The following PLCE1 variants were observed in gnomAD, a reference collection of about 807,000 sequenced individuals.
PLCE1 encodes 1-phosphatidylinositol 4,5-bisphosphate phosphodiesterase epsilon-1.
PLCE1 carries 119 observed loss-of-function variants against 242.8 expected under a neutral mutation model. The observed-to-expected ratio is 0.49, with a 90% confidence interval of 0.42 to 0.57. PLCE1 has a LOEUF of 0.57. Among genes scored for constraint, PLCE1 ranks in the 20% least tolerant of loss-of-function variants. PLCE1 has a pLI of 0.00. For missense variants in PLCE1, 2,441 were observed against 2,788.8 expected, an observed-to-expected ratio of 0.88 and a Z score of 2.81; for synonymous variants, 945 against 1,017.4, an observed-to-expected ratio of 0.93 and a Z score of 1.35.
At chr10:94,311,032 T>C (rs950444009) in intron 27 of PLCE1, among the ~76,000 whole-genome samples, 2 of 152,252 alleles carry the variant, frequency 1.3e-5, no homozygotes, top group East Asian at 1.9e-4. Context: ...TTATCACCAG[T>C]TGATCAGAAC....
chr10:94,135,965 G>A (rs974723657), intron 3 of PLCE1, among the ~76,000 whole-genome samples: 9 of 152,140 alleles, frequency 5.9e-5, no homozygotes, highest in Non-Finnish European at 1.2e-4. Context: ...GTTTTTTAAC[G>A]AGATGTTTAT....
At chr10:94,140,005 A>T (rs1261090828) in intron 3 of PLCE1, among the ~76,000 whole-genome samples, 1 of 151,858 alleles carries the variant, frequency 6.6e-6, no homozygotes, top group Non-Finnish European at 1.5e-5. Context: ...CCTTTTTTGG[A>T]TACTATTTTC....
intron 4 of PLCE1, among the ~76,000 whole-genome samples, chr10:94,210,175 G>T (rs1201088426): frequency 6.6e-6 from 1 of 150,832 alleles, no homozygotes; most frequent in Non-Finnish European, 1.5e-5. Flanking sequence ...TTTAATATTT[G>T]AATGGTGTTT....
At chr10:94,280,219 C>T (rs2052151093) in intron 20 of PLCE1, 5 of 407,042 alleles carry the variant, frequency 1.2e-5, no homozygotes, top group Non-Finnish European at 2.3e-5. Flanking sequence ...TCTAGCGTGG[C>T]TGATAATCTT....
At chr10:94,153,334 A>G (rs184909365) in intron 3 of PLCE1, among the ~76,000 whole-genome samples, 1 of 152,322 alleles carries the variant, frequency 6.6e-6, no homozygotes, top group East Asian at 1.9e-4. Flanking sequence ...GGGCATCTCA[A>G]CAGACATAGA....
At chr10:94,288,319 A>C (rs180704196) in intron 22 of PLCE1, among the ~76,000 whole-genome samples, 8 of 152,306 alleles carry the variant, frequency 5.3e-5, no homozygotes, top group Admixed American at 4.6e-4. Context: ...ACCCTGTAAG[A>C]CAAAAATTAT....
intron 2 of PLCE1, chr10:94,089,306 C>A (rs77579154): frequency 1.2e-6 from 2 of 1,613,938 alleles, no homozygotes; most frequent in South Asian, 1.1e-5. Context: ...TGGCTCTTCC[C>A]GCTCTCTGAG....
At chr10:94,169,365 G>A (rs1236374342) in intron 3 of PLCE1, among the ~76,000 whole-genome samples, 1 of 152,152 alleles carries the variant, frequency 6.6e-6, no homozygotes, top group African/African-American at 2.4e-5. Context: ...CTGAACATTT[G>A]GGTATGCAAA....
intron 2 of PLCE1, among the ~76,000 whole-genome samples, chr10:94,040,282 A>G (rs958301088): frequency 6.6e-6 from 1 of 152,010 alleles, no homozygotes; most frequent in Non-Finnish European, 1.5e-5. Flanking sequence ...AAATTTTCCA[A>G]CTTCTCCAGA....
chr10:94,222,861 TGG>T, intron 4 of PLCE1, among the ~76,000 whole-genome samples: 2 of 152,284 alleles, frequency 1.3e-5, no homozygotes, highest in East Asian at 3.9e-4. Context: ...AGACCAGCAG[TGG>T]GCTTGGTGCT....
At chr10:94,017,642 A>G (rs2061305941) in intron 1 of PLCE1, among the ~76,000 whole-genome samples, 1 of 152,208 alleles carries the variant, frequency 6.6e-6, no homozygotes. Flanking sequence ...ATACAAATAT[A>G]AAAAAGAAAA....
intron 3 of PLCE1, among the ~76,000 whole-genome samples, chr10:94,164,729 CA>C (rs2136249675): frequency 6.6e-6 from 1 of 152,280 alleles, no homozygotes; most frequent in East Asian, 1.9e-4. Context: ...TTAGAATTTT[CA>C]GTTTTGTTGT....
At chr10:94,209,103 G>C (rs956692911) in intron 4 of PLCE1, among the ~76,000 whole-genome samples, 1 of 152,134 alleles carries the variant, frequency 6.6e-6, no homozygotes, top group African/African-American at 2.4e-5. Flanking sequence ...ATTTAAAATG[G>C]TGAGAGTTCT....
intron 3 of PLCE1, among the ~76,000 whole-genome samples, chr10:94,146,482 CA>C (rs1433224906): frequency 6.6e-6 from 1 of 152,186 alleles, no homozygotes; most frequent in African/African-American, 2.4e-5. Flanking sequence ...GCTCTCAGTG[CA>C]GTCGGCACAG....
intron 13 of PLCE1, among the ~76,000 whole-genome samples, chr10:94,260,984 ATATAT>A (rs2051277137): frequency 6.6e-6 from 1 of 152,170 alleles, no homozygotes; most frequent in Admixed American, 6.5e-5. Flanking sequence ...GTTAATATTG[ATATAT>A]TATGATGAAC....
chr10:94,307,474 G>T (rs2053240918), intron 26 of PLCE1, among the ~76,000 whole-genome samples: 1 of 152,200 alleles, frequency 6.6e-6, no homozygotes, highest in Admixed American at 6.5e-5. Context: ...TCTTCTGTGT[G>T]CAAGTAGCCC....
chr10:94,288,310 C>A (rs1025249633), intron 22 of PLCE1, among the ~76,000 whole-genome samples: 1 of 152,108 alleles, frequency 6.6e-6, no homozygotes, highest in African/African-American at 2.4e-5. Flanking sequence ...AAGATTACAA[C>A]CCTGTAAGAC....
chr10:94,163,711 G>A (rs886279074), intron 3 of PLCE1, among the ~76,000 whole-genome samples: 11 of 152,128 alleles, frequency 7.2e-5, no homozygotes, highest in African/African-American at 1.9e-4. Flanking sequence ...GATGTTAGCT[G>A]GTTATTTTGC....
chr10:94,073,503 A>C (rs955598713), intron 2 of PLCE1, among the ~76,000 whole-genome samples: 11 of 152,200 alleles, frequency 7.2e-5, no homozygotes, highest in Non-Finnish European at 1.5e-5. Flanking sequence ...GAAGATACGG[A>C]AGCAGAATTG....
Sources: allele counts gnomAD v4.1 joint callset (sites outside exome capture counted in the v4.1 genomes callset), GRCh38; gene constraint gnomAD v4.1.1; transcripts MANE v1.5; gene names NCBI Gene and HGNC (gene_info 2026-07-23, HGNC 2026-07-21).